SH2D2A: variants seen among roughly 807,000 people sequenced by gnomAD.
SH2D2A encodes the protein SH2 domain-containing protein 2A.
A neutral mutation model predicts 43.6 loss-of-function variants in SH2D2A; 33 were observed. The ratio of observed to expected loss-of-function variants is 0.76; its 90% CI spans 0.57 to 1.01. SH2D2A has a LOEUF of 1.01. Ranked by LOEUF, SH2D2A falls within the 50% of genes least tolerant of loss-of-function variation. The pLI is 0.00. For missense variants in SH2D2A, 491 were observed against 503.1 expected, an observed-to-expected ratio of 0.98 and a Z score of 0.23; for synonymous variants, 212 against 206.1, an observed-to-expected ratio of 1.03 and a Z score of -0.25.
chr1:156,810,021 A>C (rs970171160), intron 5 of SH2D2A, among the ~76,000 whole-genome samples: 1 of 152,168 alleles, frequency 6.6e-6, no homozygotes, highest in African/African-American at 2.4e-5. Context: ...CTCTGGTCAC[A>C]GGCCATATCT....
chr1:156,816,332 G>T (rs1298129493), intron 1 of SH2D2A, among the ~76,000 whole-genome samples: 2 of 152,206 alleles, frequency 1.3e-5, no homozygotes, highest in African/African-American at 2.4e-5. Context: ...AGAAGGAGAG[G>T]CTGGGAGTCA....
chr1:156,816,394 T>C (rs1230657331), intron 1 of SH2D2A, among the ~76,000 whole-genome samples: 1 of 152,182 alleles, frequency 6.6e-6, no homozygotes, highest in Non-Finnish European at 1.5e-5. Flanking sequence ...CAGGCCCTTC[T>C]TCTGGTCCAG....
intron 5 of SH2D2A, among the ~76,000 whole-genome samples, chr1:156,810,514 A>C (rs2735657): frequency 0.22 from 33,380 of 151,214 alleles, 3,992 homozygotes; most frequent in Non-Finnish European, 0.28. Context: ...TACTTTATGG[A>C]AATATAAGCT....
chr1:156,814,995 GC>G, intron 3 of SH2D2A, 41 bp downstream of exon 3: 1 of 1,427,536 alleles, frequency 7.0e-7, no homozygotes, highest in Non-Finnish European at 9.3e-7. Context: ...CCCAGGACTT[GC>G]CCTGCCCCTG....
intron 4 of SH2D2A, 40 bp from the exon 5 acceptor site, chr1:156,814,056 T>G (rs1231500293): frequency 1.9e-5 from 29 of 1,487,606 alleles, no homozygotes; most frequent in Non-Finnish European, 2.6e-5. Context: ...CTCCCGCTCC[T>G]CGGCCAGGGT....
chr1:156,809,532 G>A lies in SH2D2A; in HGVS notation c.715-42C>T. Reference sequence around the variant, plus strand: ...GGCCAGGGAGGAGTGGGGTGAGGGAGGCAGGGTTAAAGCCCCAGCCTAACT... The same window carrying A: ...GGCCAGGGAGGAGTGGGGTGAGGGAAGCAGGGTTAAAGCCCCAGCCTAACT... On this transcript the variant is annotated intron_variant, in intron 6 of 8. Transcript: ENST00000368199. This position sits in a 1 kb window ranked among gnomAD's most constrained non-coding sequence, Gnocchi z 4.8. 1 of 1,562,786 alleles carries A rather than the reference G, an allele frequency of 6.4e-7. No individual in the cohort carries two copies. Among genetic ancestry groups the A allele is most frequent in the Middle Eastern group, 2.1e-4 (1 of 4,864 alleles).
rs1488224941 is a variant in SH2D2A, at chr1:156,815,101, G to A, written c.244C>T (p.Gln82Ter). 3 of 1,610,418 alleles carry A rather than the reference G, an allele frequency of 1.9e-6. No homozygotes were observed. The highest frequency in any genetic ancestry group is 2.2e-5 in the South Asian group (2 of 90,730). ...CCGTGCTGCAGGAGCCAGTGGGCCT[G>A]GGTCTTCTGGAACCAAGCCCGGGTC... ...AETRAWFQKT[Q>*]AHWLLQHGAA... Residue 82 changes from glutamine (Q) to a stop codon, truncating the protein, a stop_gained, in exon 3 of 9, where the codon CAG becomes TAG. Coordinates refer to ENST00000368199, the MANE Select transcript of SH2D2A (RefSeq NM_003975.4). LOFTEE classifies it high-confidence loss of function.
intron 5 of SH2D2A, among the ~76,000 whole-genome samples, chr1:156,813,253 C>T (rs1653550505): frequency 6.6e-6 from 1 of 152,214 alleles, no homozygotes; most frequent in South Asian, 2.1e-4. Flanking sequence ...ACCCCCGCAT[C>T]CTCCCCTGGC....
In SH2D2A at chr1:156,816,685, T is replaced by C. The variant is rs1259176331; in HGVS notation, c.24A>G (p.Ile8Met). The C allele has an allele frequency of 6.2e-7, 1 of 1,601,534 alleles. No individual in the cohort carries two copies. The highest frequency in any genetic ancestry group is 8.5e-7 in the Non-Finnish European group (1 of 1,173,500). The change falls in exon 1 of 9, where the codon ATA (isoleucine) becomes ATG (methionine). Residue 8 changes from isoleucine (I) to methionine (M), a missense_variant. By Grantham distance (10) the Ile-to-Met change is conservative (BLOSUM62 1). Transcript: ENST00000368199. MEFPLAQ[I>M]CPQGSHEAPI... Reference sequence around the variant, plus strand: ...CAACTTCACACTTACCTTGGGGACATATCTGGGCCAGGGGGAACTCCATGA... The same window carrying C: ...CAACTTCACACTTACCTTGGGGACACATCTGGGCCAGGGGGAACTCCATGA...
In SH2D2A at chr1:156,809,398, C is replaced by T. The variant is rs766576308; in HGVS notation, c.807G>A (p.Pro269=). 49 of 1,613,748 alleles carry T rather than the reference C, an allele frequency of 3.0e-5. No individual in the cohort carries two copies. The highest frequency in any genetic ancestry group is 2.5e-4 in the Admixed American group (15 of 59,986). The change falls in exon 7 of 9, where the codon CCG becomes CCA. Residue 269 remains proline (P), a synonymous_variant. Coordinates refer to ENST00000368199, the MANE Select transcript of SH2D2A (RefSeq NM_003975.4). The surrounding 1 kb of genome is among the most constrained non-coding windows in gnomAD (Gnocchi z 4.8). The part of the protein sequence containing the change: ...VYTIPVPRHR[P]APRPKPSNPI... ...GATTGGAGGGCTTGGGGCGTGGGGC[C>T]GGGCGGTGTCGTGGAACAGGGATTG... is the stretch of plus-strand genomic sequence containing the variant.
chr1:156,816,336 G>T (rs1343522747), intron 1 of SH2D2A, among the ~76,000 whole-genome samples: 1 of 152,208 alleles, frequency 6.6e-6, no homozygotes, highest in East Asian at 1.9e-4. Flanking sequence ...GGAGAGGCTG[G>T]GAGTCAGGCT....
Position 156,815,141 on chromosome 1 carries a change from C to G in SH2D2A, c.204G>C (p.Leu68=). 6.2e-7 allele frequency: 1 copy of G among 1,608,690 alleles called. No individual in the cohort carries two copies. Among genetic ancestry groups the G allele is most frequent in the Non-Finnish European group, 8.5e-7 (1 of 1,177,756 alleles). ...AAGCCCGGGTCTCGGCCTGCAGGAA[C>G]AGGCTTCCTTCTCCAGGCACCTCCT... The part of the protein sequence containing the change: ...RAEEVPGEGS[L]FLQAETRAWF... Residue 68 remains leucine (L), a synonymous_variant, in exon 3 of 9, where the codon CTG becomes CTC. Coordinates refer to ENST00000368199, the MANE Select transcript of SH2D2A (RefSeq NM_003975.4).
rs376394875 is a variant in SH2D2A, at chr1:156,816,639, C to T, written c.34+36G>A. 1.9e-5 allele frequency: 31 copies of T among 1,589,934 alleles called. No individual in the cohort carries two copies. The South Asian group carries it at 3.2e-4, about 16-fold the overall frequency. ...GGGCAGGGGGATGGGGGTCTTTGTGCCCCCTCCCACCCATATCCTTCAACT... is the reference window on the plus strand; with the variant it reads ...GGGCAGGGGGATGGGGGTCTTTGTGTCCCCTCCCACCCATATCCTTCAACT... On this transcript the variant is annotated intron_variant, in intron 1 of 8. Coordinates refer to ENST00000368199, the MANE Select transcript of SH2D2A (RefSeq NM_003975.4).
Position 156,816,725 on chromosome 1 carries a change from G to A in SH2D2A, c.-17C>T, listed in dbSNP as rs1358687805. 2 of 1,592,634 alleles carry A rather than the reference G, an allele frequency of 1.3e-6. No homozygotes were observed. The highest frequency in any genetic ancestry group is 4.7e-5 in the East Asian group (2 of 42,988). ...GAACTCCATGAGGGCAGCCTCACAA[G>A]GGATCCCAGAGCAGGGTGTGTGTAT... On this transcript the variant is annotated 5_prime_UTR_variant, in exon 1 of 9. Coordinates refer to ENST00000368199, the MANE Select transcript of SH2D2A (RefSeq NM_003975.4).
rs1015088087 is a variant in SH2D2A at position 156,816,033 on chromosome 1, C to T, written c.96G>A (p.Arg32=). 1 of 1,613,990 alleles carries T rather than the reference C, an allele frequency of 6.2e-7. No individual in the cohort carries two copies. The highest frequency in any genetic ancestry group is 8.5e-7 in the Non-Finnish European group (1 of 1,179,952). The change falls in exon 2 of 9, where the codon AGG becomes AGA. Residue 32 remains arginine (R), a synonymous_variant. Transcript: ENST00000368199. The part of the protein sequence containing the change: ...STFQITDMTR[R]SCQNLGYTAA... ...CAGTGTAGCCCAGGTTCTGGCAGCTCCTGCGGGTCATGTCTGTGATCTGGA... is the reference window on the plus strand; with the variant it reads ...CAGTGTAGCCCAGGTTCTGGCAGCTTCTGCGGGTCATGTCTGTGATCTGGA...
At position 156,816,695 on chromosome 1, in the gene SH2D2A, A is replaced by T. The variant is rs142614264; in HGVS notation, c.14T>A (p.Leu5Gln). 3,623 of 1,601,276 alleles carry T rather than the reference A, an allele frequency of 2.3e-3. 10 individuals carry two copies. Among genetic ancestry groups the T allele is most frequent in the Admixed American group, 3.7e-3 (215 of 58,860 alleles). MEFP[L>Q]AQICPQGSHE... ...CTTACCTTGGGGACATATCTGGGCC[A>T]GGGGGAACTCCATGAGGGCAGCCTC... The change falls in exon 1 of 9, where the codon CTG becomes CAG. Residue 5 changes from leucine to glutamine, a missense_variant. Leu to Gln is a moderately radical substitution (Grantham distance 113). Coordinates refer to ENST00000368199, the MANE Select transcript of SH2D2A (RefSeq NM_003975.4).
At position 156,807,263 on chromosome 1, in the gene SH2D2A, C is replaced by T; in HGVS notation, c.1085G>A (p.Trp362Ter). 2 of 1,475,284 alleles carry T rather than the reference C, an allele frequency of 1.4e-6. No individual in the cohort carries two copies. Among genetic ancestry groups the T allele is most frequent in the Middle Eastern group, 1.9e-4 (1 of 5,198 alleles). 91.4% of individuals were successfully genotyped at this position (1,475,284 alleles called of 1,614,324 possible). ...AAGATTGTGGGGGAGGGTGTGTCTC[C>T]AGGCGGGTGGGGGCTGGTGGGGCAG... is the stretch of plus-strand genomic sequence containing the variant. ...PPLPHQPPPA[W>*]RHTLPHNLSR... The change falls in exon 8 of 9, where the codon TGG becomes TAG. Residue 362 changes from tryptophan (W) to a stop codon, truncating the protein, a stop_gained. Transcript: ENST00000368199. LOFTEE classifies it high-confidence loss of function. The surrounding 1 kb of genome is among the most constrained non-coding windows in gnomAD (Gnocchi z 5.1).
chr1:156,811,484 G>C (rs1653416853), intron 5 of SH2D2A, among the ~76,000 whole-genome samples: 1 of 152,154 alleles, frequency 6.6e-6, no homozygotes, highest in South Asian at 2.1e-4. Context: ...AGGCTTCTCA[G>C]GTCAGGCTGG....
In SH2D2A at chr1:156,807,828, T is replaced by C. The variant is rs1257916915; in HGVS notation, c.1003-483A>G. On this transcript the variant is annotated intron_variant, in intron 7 of 8. Transcript: ENST00000368199. This position sits in a 1 kb window ranked among gnomAD's most constrained non-coding sequence, Gnocchi z 5.1. ...ACCACTTGGTGAGTTTAGAGAAATG[T>C]GAATCATTCTAGGAGAATGGGAGTG... 6.6e-6 allele frequency among the ~76,000 whole-genome samples: 1 copy of C among 152,130 alleles called. No homozygotes were observed. Among genetic ancestry groups the C allele is most frequent in the East Asian group, 1.9e-4 (1 of 5,180 alleles).
Sources: gnomAD v4.1 joint callset for allele counts (sites outside exome capture counted in the v4.1 genomes callset) on GRCh38, gnomAD v4.1.1 for gene constraint, Gnocchi (gnomAD v3.1) non-coding constraint, MANE v1.5 for transcripts, NCBI Gene and HGNC (gene_info 2026-07-23, HGNC 2026-07-21) for gene names.